The following UST variants were observed in gnomAD, a reference collection of about 807,000 sequenced individuals.
UST encodes the protein chondroitin sulfate 2-O-sulfotransferase.
In UST, 21 loss-of-function variants were observed where a neutral mutation model predicts 45.6. The observed-to-expected ratio is 0.46, with a 90% CI of 0.33 to 0.66. The LOEUF is 0.66. Among genes scored for constraint, UST ranks in the 30% least tolerant of loss-of-function variants. The pLI is 0.02. For missense variants in UST, 463 were observed against 512.4 expected, an observed-to-expected ratio of 0.90 and a Z score of 0.93; for synonymous variants, 215 against 200.6, an observed-to-expected ratio of 1.07 and a Z score of -0.61.
At chr6:149,037,508 G>T (rs1280973112) in intron 7 of UST, among the ~76,000 whole-genome samples, 1 of 152,230 alleles carries the variant, frequency 6.6e-6, no homozygotes, top group East Asian at 1.9e-4. Flanking sequence ...AGGACCCCTG[G>T]AATGAGGCTG....
chr6:148,909,759 C>G (rs1779438341), intron 2 of UST, among the ~76,000 whole-genome samples: 1 of 152,140 alleles, frequency 6.6e-6, no homozygotes, highest in Admixed American at 6.5e-5. Flanking sequence ...CTCGAAGTAT[C>G]TATATGAAGA....
At chr6:149,042,423 G>A (rs1311443594) in intron 7 of UST, among the ~76,000 whole-genome samples, 1 of 152,222 alleles carries the variant, frequency 6.6e-6, no homozygotes, top group Non-Finnish European at 1.5e-5. Flanking sequence ...TGGGCAGAGG[G>A]TTAAATCTTG....
chr6:148,911,738 G>A (rs988371461), intron 2 of UST, among the ~76,000 whole-genome samples: 3 of 151,842 alleles, frequency 2.0e-5, no homozygotes, highest in Admixed American at 6.6e-5. Flanking sequence ...ACATGAAACC[G>A]GAATTGTCTT....
At chr6:148,868,404 T>C (rs1778486616) in intron 1 of UST, among the ~76,000 whole-genome samples, 1 of 152,192 alleles carries the variant, frequency 6.6e-6, no homozygotes, top group Admixed American at 6.5e-5. Flanking sequence ...TGCTGGCCTT[T>C]GCTTTCAAGC....
chr6:148,956,903 A>G (rs985296512), intron 4 of UST, among the ~76,000 whole-genome samples: 6 of 152,196 alleles, frequency 3.9e-5, no homozygotes, highest in Admixed American at 3.9e-4. Flanking sequence ...GGCTTCCCCT[A>G]GCGGAGGTGG....
At chr6:149,010,805 A>G (rs1194262120) in intron 5 of UST, among the ~76,000 whole-genome samples, 1 of 147,752 alleles carries the variant, frequency 6.8e-6, no homozygotes, top group African/African-American at 2.5e-5. Flanking sequence ...AGGCAGGAGA[A>G]TCGCTTAATC....
At chr6:148,761,979 C>T (rs7760963) in intron 1 of UST, among the ~76,000 whole-genome samples, 53,568 of 152,024 alleles carry the variant, frequency 0.35, 9,568 homozygotes, top group Non-Finnish European at 0.37. Flanking sequence ...AACCAAATGG[C>T]GCAGTGTCTT....
intron 1 of UST, among the ~76,000 whole-genome samples, chr6:148,832,800 G>A (rs1777714202): frequency 6.6e-6 from 1 of 152,156 alleles, no homozygotes; most frequent in South Asian, 2.1e-4. Context: ...ATGAGTTTTA[G>A]TTGATATTTA....
intron 1 of UST, among the ~76,000 whole-genome samples, chr6:148,828,160 G>A (rs573440508): frequency 2.2e-4 from 33 of 152,018 alleles, no homozygotes; most frequent in East Asian, 1.4e-3. Context: ...GATATATGAC[G>A]TCTGTCAAAT....
chr6:148,928,474 A>G (rs115072804), intron 2 of UST, among the ~76,000 whole-genome samples: 1,811 of 152,328 alleles, frequency 0.012, 28 homozygotes, highest in African/African-American at 0.041. Flanking sequence ...ATAATGATTT[A>G]TTTTATTTAG....
intron 1 of UST, among the ~76,000 whole-genome samples, chr6:148,799,159 C>T (rs972247650): frequency 1.3e-5 from 2 of 152,124 alleles, no homozygotes; most frequent in East Asian, 1.9e-4. Context: ...CATGAGCCAC[C>T]GCATCCGGCC....
chr6:148,924,778 G>A (rs1027776183), intron 2 of UST, among the ~76,000 whole-genome samples: 3 of 152,094 alleles, frequency 2.0e-5, no homozygotes, highest in African/African-American at 4.8e-5. Flanking sequence ...AATAGCTCTT[G>A]GGCCTCTCCT....
intron 7 of UST, among the ~76,000 whole-genome samples, chr6:149,041,669 AC>A (rs1163305293): frequency 1.3e-5 from 2 of 152,052 alleles, no homozygotes; most frequent in African/African-American, 4.8e-5. Flanking sequence ...GTTCTCTCCC[AC>A]AACTGGAGAC....
chr6:148,966,737 C>CGTTTCT (rs1480235974), intron 5 of UST, among the ~76,000 whole-genome samples: 1 of 151,956 alleles, frequency 6.6e-6, no homozygotes, highest in Admixed American at 6.6e-5. Flanking sequence ...TCCATTTGTT[C>CGTTTCT]GTTTTTGTTT....
At chr6:149,029,664 C>G (rs541563714) in intron 7 of UST, among the ~76,000 whole-genome samples, 1 of 151,760 alleles carries the variant, frequency 6.6e-6, no homozygotes, top group Non-Finnish European at 1.5e-5. Context: ...TGGAAACTCC[C>G]AAGTATACAA....
chr6:148,894,910 C>T (rs138491057), intron 2 of UST, among the ~76,000 whole-genome samples: 15,325 of 149,676 alleles, frequency 0.1, 1,013 homozygotes, highest in East Asian at 0.32. Context: ...CTCCGCCTCC[C>T]GGATTCAAGC....
At chr6:148,799,608 C>T (rs1046223334) in intron 1 of UST, among the ~76,000 whole-genome samples, 4 of 152,108 alleles carry the variant, frequency 2.6e-5, no homozygotes, top group Non-Finnish European at 5.9e-5. Context: ...TTTTTATCTG[C>T]ACTTAGGTCC....
At chr6:148,867,636 A>T (rs1344369141) in intron 1 of UST, among the ~76,000 whole-genome samples, 1 of 151,262 alleles carries the variant, frequency 6.6e-6, no homozygotes, top group Non-Finnish European at 1.5e-5. Flanking sequence ...ATAAGGGGAA[A>T]CCCCTTTCGC....
Position 148,790,929 on chromosome 6 carries a change from G to C in UST, c.247+43252G>C, listed in dbSNP as rs1016172732. 2.0e-5 allele frequency among the ~76,000 whole-genome samples: 3 copies of C among 152,210 alleles called. No homozygotes were observed. Among genetic ancestry groups the C allele is most frequent in the Non-Finnish European group, 4.4e-5 (3 of 68,050 alleles). ...CTTTGTAGGTTGTATCTGAGTACAT[G>C]CACATCTCTCCCTCAGGATCTGCGC... is the stretch of plus-strand genomic sequence containing the variant. On this transcript the variant is annotated intron_variant, in intron 1 of 7. Coordinates refer to ENST00000367463, the MANE Select transcript of UST (RefSeq NM_005715.3). This position sits in a 1 kb window ranked among gnomAD's most constrained non-coding sequence, Gnocchi z 4.2.
Sources: gnomAD v4.1 joint callset for allele counts (sites outside exome capture counted in the v4.1 genomes callset) on GRCh38, gnomAD v4.1.1 for gene constraint, Gnocchi (gnomAD v3.1) non-coding constraint, MANE v1.5 for transcripts, NCBI Gene and HGNC (gene_info 2026-07-23, HGNC 2026-07-21) for gene names.